CDH7: variants seen among roughly 807,000 people sequenced by gnomAD.
CDH7 encodes cadherin 7, also known as cadherin-7.
CDH7 carries 25 observed loss-of-function variants against 71.8 expected under a neutral mutation model. The ratio of observed to expected loss-of-function variants is 0.35; its 90% CI spans 0.25 to 0.49. The LOEUF (loss-of-function observed/expected upper bound fraction) is 0.49, where lower values mean the gene tolerates loss of function less well. CDH7 is among the 20% of genes least tolerant of loss of function. The pLI is 0.99. For missense variants in CDH7, 862 were observed against 974.6 expected, an observed-to-expected ratio of 0.88 and a Z score of 1.54; for synonymous variants, 381 against 363.8, an observed-to-expected ratio of 1.05 and a Z score of -0.54.
At chr18:65,874,931 T>C (rs894485032) in intron 11 of CDH7, among the ~76,000 whole-genome samples, 12 of 152,062 alleles carry the variant, frequency 7.9e-5, no homozygotes, top group Non-Finnish European at 1.5e-5. Context: ...GGTTTTGAAC[T>C]CCAGACCAGC....
Position 65,862,673 on chromosome 18 carries a change from A to G in CDH7, c.1620A>G (p.Thr540=). 1 of 1,614,046 alleles carries G rather than the reference A, an allele frequency of 6.2e-7. No individual in the cohort carries two copies. The change falls in exon 11 of 12, where the codon ACA becomes ACG. Residue 540 remains threonine, a synonymous_variant. Transcript: ENST00000397968. ...TTGCTTTCGTTATCCTAGACAACAC[A>G]GCCTCAATACTGACCAGGAGAAACG... ...NFSLKDNKDN[T]ASILTRRNGF...
intron 2 of CDH7, among the ~76,000 whole-genome samples, chr18:65,768,215 CGTT>C (rs1341702467): frequency 8.7e-6 from 1 of 114,314 alleles, no homozygotes; most frequent in Non-Finnish European, 1.8e-5. Flanking sequence ...AGTCTATATG[CGTT>C]GTTGTTTTTT....
intron 6 of CDH7, among the ~76,000 whole-genome samples, chr18:65,838,465 G>A (rs11665474): frequency 0.29 from 44,225 of 152,066 alleles, 8,202 homozygotes; most frequent in East Asian, 0.72. Flanking sequence ...AAAATTAAAC[G>A]TAAGACATTA....
At chr18:65,761,291 C>T (rs1199144356) in intron 1 of CDH7, among the ~76,000 whole-genome samples, 4 of 151,834 alleles carry the variant, frequency 2.6e-5, no homozygotes, top group African/African-American at 4.8e-5. Flanking sequence ...GTCATGTGAA[C>T]GATTTAAAAA....
intron 10 of CDH7, among the ~76,000 whole-genome samples, chr18:65,862,143 T>A (rs1008633765): frequency 6.6e-6 from 1 of 152,050 alleles, no homozygotes; most frequent in African/African-American, 2.4e-5. Flanking sequence ...ATTTTCAAAA[T>A]TTTACGATAA....
chr18:65,782,223 G>A (rs1351397411), intron 2 of CDH7, among the ~76,000 whole-genome samples: 1 of 148,850 alleles, frequency 6.7e-6, no homozygotes, highest in African/African-American at 2.5e-5. Flanking sequence ...GGCTGTAGCA[G>A]TGGCACCGTC....
At chr18:65,790,867 TCAAAACAAAA>T (rs1455027309) in intron 2 of CDH7, among the ~76,000 whole-genome samples, 1 of 152,164 alleles carries the variant, frequency 6.6e-6, no homozygotes, top group Non-Finnish European at 1.5e-5. Flanking sequence ...AAACTCTGTC[TCAAAACAAAA>T]CAAAATAAAA....
At chr18:65,875,425 G>A (rs1323447411) in intron 11 of CDH7, among the ~76,000 whole-genome samples, 2 of 152,152 alleles carry the variant, frequency 1.3e-5, no homozygotes, top group East Asian at 3.8e-4. Flanking sequence ...TGTGCAGATG[G>A]ACATCTGCCA....
intron 7 of CDH7, among the ~76,000 whole-genome samples, chr18:65,857,380 G>A (rs1203675450): frequency 6.7e-6 from 1 of 150,170 alleles, no homozygotes; most frequent in Non-Finnish European, 1.5e-5. Context: ...CAAATATGGT[G>A]GTGCATGCCT....
intron 2 of CDH7, among the ~76,000 whole-genome samples, chr18:65,786,767 C>G (rs921242066): frequency 6.6e-6 from 1 of 152,024 alleles, no homozygotes; most frequent in Non-Finnish European, 1.5e-5. Flanking sequence ...CACTGAAGCC[C>G]CAAATTCCTG....
intron 6 of CDH7, among the ~76,000 whole-genome samples, chr18:65,830,558 C>A (rs985409603): frequency 6.8e-6 from 1 of 148,048 alleles, no homozygotes; most frequent in Non-Finnish European, 1.5e-5. Flanking sequence ...TCCTTCTTTC[C>A]TTCCTCTCTC....
intron 4 of CDH7, among the ~76,000 whole-genome samples, chr18:65,815,067 A>T (rs1219083442): frequency 8.5e-5 from 13 of 152,148 alleles, no homozygotes; most frequent in Admixed American, 8.5e-4. Flanking sequence ...TAGGGTGATG[A>T]TCTGCCAAAT....
intron 2 of CDH7, among the ~76,000 whole-genome samples, chr18:65,788,342 C>G (rs1184609134): frequency 6.6e-6 from 1 of 152,128 alleles, no homozygotes; most frequent in Non-Finnish European, 1.5e-5. Context: ...ATGTGGTCAT[C>G]ATCACTGAAA....
intron 6 of CDH7, among the ~76,000 whole-genome samples, chr18:65,830,807 T>G (rs1294003848): frequency 2.0e-5 from 3 of 151,492 alleles, no homozygotes; most frequent in Non-Finnish European, 4.4e-5. Context: ...TTTTAAGTTT[T>G]TTTCCTTGCC....
intron 6 of CDH7, among the ~76,000 whole-genome samples, chr18:65,837,291 C>T (rs1191975492): frequency 6.6e-6 from 1 of 152,138 alleles, no homozygotes. Context: ...AGTCCAAACT[C>T]ACCTTGGCTA....
chr18:65,860,739 T>C (rs1490324223), intron 10 of CDH7, among the ~76,000 whole-genome samples: 6 of 152,206 alleles, frequency 3.9e-5, no homozygotes, highest in African/African-American at 1.4e-4. Flanking sequence ...CTGGCTTGTT[T>C]AAAACAGACT....
At chr18:65,765,618 A>G (rs1470007140) in intron 2 of CDH7, among the ~76,000 whole-genome samples, 1 of 152,084 alleles carries the variant, frequency 6.6e-6, no homozygotes, top group Non-Finnish European at 1.5e-5. Context: ...CTTTTCACAG[A>G]TGTGTATTCA....
chr18:65,784,088 A>G (rs1373775975), intron 2 of CDH7, among the ~76,000 whole-genome samples: 1 of 149,090 alleles, frequency 6.7e-6, no homozygotes, highest in Non-Finnish European at 1.5e-5. Context: ...AGTAGCTGGG[A>G]ACACAGGCAT....
intron 7 of CDH7, among the ~76,000 whole-genome samples, chr18:65,847,733 T>A (rs1555688761): frequency 1.3e-5 from 2 of 152,180 alleles, no homozygotes; most frequent in Non-Finnish European, 2.9e-5. Context: ...ATGGAAAGAT[T>A]AAAAAAACCC....
Sources: gnomAD v4.1 joint callset for allele counts (sites outside exome capture counted in the v4.1 genomes callset) on GRCh38, gnomAD v4.1.1 for gene constraint, MANE v1.5 for transcripts, NCBI Gene and HGNC (gene_info 2026-07-23, HGNC 2026-07-21) for gene names.